The following PIGL variants were observed in gnomAD, a reference collection of about 807,000 sequenced individuals.
PIGL encodes N-acetylglucosaminyl-phosphatidylinositol de-N-acetylase.
In PIGL, 22 loss-of-function variants were observed where a neutral mutation model predicts 31.1. The ratio of observed to expected loss-of-function variants is 0.71; its 90% CI spans 0.51 to 1.01. The LOEUF is 1.01. Ranked by LOEUF, PIGL falls within the 50% of genes least tolerant of loss-of-function variation. The pLI is 0.00. For missense variants in PIGL, 302 were observed against 315.9 expected (o/e 0.96, Z 0.33); for synonymous variants, 131 against 117.4 (o/e 1.12, Z -0.75).
At chr17:16,219,127 C>A (rs1296009500) in intron 1 of PIGL, among the ~76,000 whole-genome samples, 1 of 143,094 alleles carries the variant, frequency 7.0e-6, no homozygotes. Context: ...AGTGCAGTGG[C>A]GCAATCTCGG....
intron 2 of PIGL, among the ~76,000 whole-genome samples, chr17:16,265,253 G>A (rs2092837447): frequency 6.6e-6 from 1 of 152,188 alleles, no homozygotes; most frequent in Non-Finnish European, 1.5e-5. Flanking sequence ...CCTTAAGGGT[G>A]CTGATTAGGT....
chr17:16,250,783 G>A (rs749515862), intron 2 of PIGL, among the ~76,000 whole-genome samples: 29 of 152,222 alleles, frequency 1.9e-4, no homozygotes, highest in Non-Finnish European at 3.8e-4. Flanking sequence ...AGACACAGTG[G>A]GAGGTTGAGT....
chr17:16,306,238 C>T (rs898310496), intron 3 of PIGL, among the ~76,000 whole-genome samples: 2 of 152,032 alleles, frequency 1.3e-5, no homozygotes, highest in Non-Finnish European at 2.9e-5. Flanking sequence ...CGTGAGCCAC[C>T]GCGCCCAGCC....
At chr17:16,230,622 C>CTT (rs764511731) in intron 1 of PIGL, among the ~76,000 whole-genome samples, 7 of 144,212 alleles carry the variant, frequency 4.9e-5, no homozygotes, top group African/African-American at 1.8e-4. Context: ...GTCATAATCA[C>CTT]TTTTTTTTTT....
chr17:16,301,356 C>G (rs960352326), intron 3 of PIGL, among the ~76,000 whole-genome samples: 7 of 151,762 alleles, frequency 4.6e-5, no homozygotes, highest in African/African-American at 1.7e-4. Flanking sequence ...CCTCCGCCTC[C>G]CGGGTTCAAG....
At chr17:16,240,202 A>G (rs1032568985) in intron 2 of PIGL, among the ~76,000 whole-genome samples, 2 of 152,044 alleles carry the variant, frequency 1.3e-5, no homozygotes, top group African/African-American at 4.8e-5. Flanking sequence ...TCTGCCATGT[A>G]GGATGCTTGC....
chr17:16,320,530 A>T (rs2093100805), intron 6 of PIGL, among the ~76,000 whole-genome samples: 1 of 140,768 alleles, frequency 7.1e-6, no homozygotes, highest in Non-Finnish European at 1.5e-5. Flanking sequence ...AGAAAAGAAA[A>T]GAAGAAGGAA....
intron 2 of PIGL, among the ~76,000 whole-genome samples, chr17:16,238,817 G>T (rs1045316876): frequency 6.1e-5 from 9 of 148,446 alleles, no homozygotes; most frequent in Admixed American, 4.1e-4. Flanking sequence ...GCTGAGGCAG[G>T]AGAACTGCTT....
intron 6 of PIGL, among the ~76,000 whole-genome samples, chr17:16,325,112 G>A (rs972743119): frequency 1.3e-5 from 2 of 151,972 alleles, no homozygotes; most frequent in South Asian, 2.1e-4. Flanking sequence ...TTGGGAGGCC[G>A]AGGTGGGCAG....
At position 16,282,983 on chromosome 17, in the gene PIGL, G is replaced by T. The variant is rs867121590; in HGVS notation, c.336-16905G>T. On this transcript the variant is annotated intron_variant, in intron 2 of 6. Coordinates refer to ENST00000225609, the MANE Select transcript of PIGL (RefSeq NM_004278.4). Reference sequence around the variant, plus strand: ...AAGACCAGCCTGGGCAACATGGCGAGACCCCATGTCTACCAAAAAAGAATT... The same window carrying T: ...AAGACCAGCCTGGGCAACATGGCGATACCCCATGTCTACCAAAAAAGAATT... 6.6e-5 allele frequency among the ~76,000 whole-genome samples: 10 copies of T among 150,892 alleles called. No homozygotes were observed. The South Asian group carries it at 2.1e-3, about 32-fold the overall frequency.
chr17:16,318,073 G>C lies in PIGL; in HGVS notation c.660+165G>C, dbSNP rs549115521. Among the ~76,000 whole-genome samples, 15 of 152,272 alleles carry C rather than the reference G, an allele frequency of 9.9e-5. No homozygotes were observed. The South Asian group carries it at 2.9e-3, about 29-fold the overall frequency. ...GGCCAGCTAGATCTTGGGAGGCATA[G>C]ATTTTTCAATGACTTTAGCCTTTTT... On this transcript the variant is annotated intron_variant, in intron 6 of 6. Transcript: ENST00000225609.
intron 6 of PIGL, among the ~76,000 whole-genome samples, chr17:16,324,981 C>G (rs1042200737): frequency 6.6e-6 from 1 of 152,090 alleles, no homozygotes; most frequent in Non-Finnish European, 1.5e-5. Flanking sequence ...GCATAGTGTA[C>G]TAGCTTTCTT....
At chr17:16,233,510 C>A (rs948800292) in intron 1 of PIGL, among the ~76,000 whole-genome samples, 1 of 152,074 alleles carries the variant, frequency 6.6e-6, no homozygotes, top group African/African-American at 2.4e-5. Context: ...TCAGGAGTAG[C>A]AACCTCTATT....
At chr17:16,225,383 CTTTTTTTTTTT>C (rs948575134) in intron 1 of PIGL, among the ~76,000 whole-genome samples, 17 of 97,536 alleles carry the variant, frequency 1.7e-4, no homozygotes, top group African/African-American at 6.3e-4. Flanking sequence ...AAGCACGTTT[CTTTTTTTTTTT>C]TTTTTTTTTT....
intron 1 of PIGL, among the ~76,000 whole-genome samples, chr17:16,226,012 A>G (rs1426393864): frequency 6.6e-6 from 1 of 151,968 alleles, no homozygotes; most frequent in Non-Finnish European, 1.5e-5. Context: ...GGAAAAAAAA[A>G]AAAAAAAAGT....
chr17:16,254,637 C>T (rs2092786442), intron 2 of PIGL, among the ~76,000 whole-genome samples: 1 of 151,268 alleles, frequency 6.6e-6, no homozygotes, highest in South Asian at 2.1e-4. Context: ...TAGAGTCTTG[C>T]TCTGTCACCC....
In PIGL at chr17:16,315,704, CTTTCTTTTTTTTTT is replaced by C. The variant is rs1399895769; in HGVS notation, c.495-973_495-960del. Among the ~76,000 whole-genome samples the C allele has an allele frequency of 1.1e-3, 84 of 75,430 alleles. 1 individual carries two copies. The highest frequency in any genetic ancestry group is 4.2e-3 in the African/African-American group (77 of 18,448). 49.5% of individuals were successfully genotyped at this position (75,430 alleles called of 152,430 possible). On this transcript the variant is annotated intron_variant, in intron 4 of 6. Transcript: ENST00000225609. Reference sequence around the variant, plus strand: ...TTTTCTTTTCTTTCTTTCTTTCTTTCTTTCTTTTTTTTTTTTTTTTTTTTTTTTTGAGACAGAGT... The same window carrying C: ...TTTTCTTTTCTTTCTTTCTTTCTTTCTTTTTTTTTTTTTTTGAGACAGAGT...
chr17:16,318,510 A>G (rs1378225059), intron 6 of PIGL, among the ~76,000 whole-genome samples: 3 of 151,332 alleles, frequency 2.0e-5, no homozygotes, highest in Non-Finnish European at 4.4e-5. Flanking sequence ...ACCTCGGGTG[A>G]TCCACCCACC....
At chr17:16,231,884 G>A (rs1477057468) in intron 1 of PIGL, among the ~76,000 whole-genome samples, 1 of 152,008 alleles carries the variant, frequency 6.6e-6, no homozygotes, top group Non-Finnish European at 1.5e-5. Context: ...AAAATGTTGA[G>A]TTTTTTTATT....
Sources: allele counts gnomAD v4.1 joint callset (sites outside exome capture counted in the v4.1 genomes callset), GRCh38; gene constraint gnomAD v4.1.1; transcripts MANE v1.5; gene names NCBI Gene and HGNC (gene_info 2026-07-23, HGNC 2026-07-21).